The following ADAMTSL1 variants were observed in gnomAD, a reference collection of about 807,000 sequenced individuals.
ADAMTSL1 encodes ADAMTS like 1.
Under a neutral mutation model 201.8 loss-of-function variants are expected in ADAMTSL1, and 126 were observed. The ratio of observed to expected loss-of-function variants is 0.62; its 90% CI spans 0.54 to 0.72. The LOEUF (loss-of-function observed/expected upper bound fraction) is 0.72. ADAMTSL1 is among the 30% of genes least tolerant of loss of function. The probability of loss-of-function intolerance (pLI) is 0.00; values close to 1 mark genes in which losing one functional copy is unlikely to be tolerated. For synonymous variants in ADAMTSL1, 1,121 were observed against 903.4 expected, an observed-to-expected ratio of 1.24 and a Z score of -4.32; for missense variants, 2,679 against 2,277.8, an observed-to-expected ratio of 1.18 and a Z score of -3.59.
intron 1 of ADAMTSL1, among the ~76,000 whole-genome samples, chr9:18,494,283 A>G (rs1293832909): frequency 6.6e-6 from 1 of 151,736 alleles, no homozygotes; most frequent in African/African-American, 2.4e-5. Context: ...TTGAACCCAG[A>G]AGGTGGAGAT....
intron 1 of ADAMTSL1, among the ~76,000 whole-genome samples, chr9:17,948,640 AC>A: frequency 6.6e-6 from 1 of 152,320 alleles, no homozygotes; most frequent in Admixed American, 6.5e-5. Context: ...TATCTTTGTT[AC>A]AGCCCGAGTG....
intron 1 of ADAMTSL1, among the ~76,000 whole-genome samples, chr9:18,065,045 A>T (rs954632946): frequency 8.4e-6 from 1 of 119,096 alleles, no homozygotes; most frequent in Non-Finnish European, 1.6e-5. Context: ...ACGGATTTTT[A>T]TTAAATATGT....
At chr9:18,378,508 A>G (rs1837405854) in intron 2 of ADAMTSL1, among the ~76,000 whole-genome samples, 1 of 152,222 alleles carries the variant, frequency 6.6e-6, no homozygotes, top group African/African-American at 2.4e-5. Context: ...CTTGAGAAGC[A>G]CATCCAAACA....
Position 18,777,405 on chromosome 9 carries a change from G to A in ADAMTSL1, c.3176G>A (p.Gly1059Asp). ...AACACGACCTCGGAGGAGGACCCGG[G>A]TGCAGAGCAAGTGCTCCTGCACCTG... The part of the protein sequence containing the change: ...ERNTTSEEDP[G>D]AEQVLLHLPF... Residue 1059 changes from glycine to aspartate, a missense_variant, in exon 19 of 29, where the codon GGT becomes GAT. By Grantham distance (94) the Gly-to-Asp change is moderately conservative. Transcript: ENST00000380548. 1 of 1,602,496 alleles carries A rather than the reference G, an allele frequency of 6.2e-7. No individual in the cohort carries two copies. Among genetic ancestry groups the A allele is most frequent in the Non-Finnish European group, 8.5e-7 (1 of 1,175,132 alleles).
chr9:18,306,758 G>A (rs1034221501), intron 2 of ADAMTSL1, among the ~76,000 whole-genome samples: 1 of 152,110 alleles, frequency 6.6e-6, no homozygotes, highest in African/African-American at 2.4e-5. Context: ...GAACCAAGTT[G>A]GAAAACACTC....
intron 22 of ADAMTSL1, among the ~76,000 whole-genome samples, chr9:18,829,548 C>T (rs1435465803): frequency 1.3e-5 from 2 of 152,264 alleles, no homozygotes; most frequent in East Asian, 3.9e-4. Context: ...TTTAACTTAT[C>T]TACAAATGTG....
chr9:18,315,126 C>G (rs909220298), intron 2 of ADAMTSL1, among the ~76,000 whole-genome samples: 7 of 152,090 alleles, frequency 4.6e-5, no homozygotes, highest in African/African-American at 1.2e-4. Flanking sequence ...TTACAGAGAG[C>G]TGATTGGTCC....
intron 2 of ADAMTSL1, among the ~76,000 whole-genome samples, chr9:18,316,682 A>T (rs1453067309): frequency 6.6e-6 from 1 of 152,070 alleles, no homozygotes; most frequent in Admixed American, 6.5e-5. Flanking sequence ...TGTACAATTT[A>T]TGCAGTTAAT....
chr9:18,504,711 G>A (rs1823026234), intron 1 of ADAMTSL1, 118 bp from the exon 2 acceptor site: 13 of 1,395,688 alleles, frequency 9.3e-6, no homozygotes, highest in African/African-American at 1.4e-5. Context: ...CTGATTGCGC[G>A]TTTTCATTCC....
chr9:18,889,030 C>G (rs1472236712), intron 24 of ADAMTSL1, among the ~76,000 whole-genome samples: 2 of 152,182 alleles, frequency 1.3e-5, no homozygotes, highest in Admixed American at 1.3e-4. Context: ...GTCCCAGACC[C>G]CCAAAGCAAC....
At chr9:18,137,927 G>C (rs1011842356) in intron 1 of ADAMTSL1, among the ~76,000 whole-genome samples, 7 of 152,146 alleles carry the variant, frequency 4.6e-5, no homozygotes, top group Non-Finnish European at 1.0e-4. Flanking sequence ...TTGCTAGGGA[G>C]AGTTATTCTT....
At chr9:18,313,791 G>C (rs1834245987) in intron 2 of ADAMTSL1, among the ~76,000 whole-genome samples, 2 of 152,118 alleles carry the variant, frequency 1.3e-5, no homozygotes, top group Admixed American at 1.3e-4. Context: ...AACTTGTTTG[G>C]TATGACTGCA....
chr9:18,865,225 G>A (rs1048540293), intron 23 of ADAMTSL1, among the ~76,000 whole-genome samples: 4 of 151,036 alleles, frequency 2.6e-5, no homozygotes, highest in South Asian at 2.1e-4. Flanking sequence ...GGTGTGTGAT[G>A]TTCCCCTTCC....
chr9:18,594,138 A>G (rs971641134), intron 4 of ADAMTSL1, among the ~76,000 whole-genome samples: 1 of 151,756 alleles, frequency 6.6e-6, no homozygotes, highest in Admixed American at 6.6e-5. Flanking sequence ...ACAGGGTACA[A>G]TCTTTTTGTT....
At chr9:18,590,896 T>G (rs1823870266) in intron 4 of ADAMTSL1, among the ~76,000 whole-genome samples, 1 of 152,160 alleles carries the variant, frequency 6.6e-6, no homozygotes, top group Non-Finnish European at 1.5e-5. Flanking sequence ...AAAAGATACT[T>G]GATATAATTT....
intron 2 of ADAMTSL1, among the ~76,000 whole-genome samples, chr9:18,180,999 G>T (rs1293554976): frequency 6.6e-6 from 1 of 152,096 alleles, no homozygotes; most frequent in Non-Finnish European, 1.5e-5. Context: ...ACAACTATCT[G>T]ATCTTTGACA....
intron 1 of ADAMTSL1, among the ~76,000 whole-genome samples, chr9:18,479,950 C>A (rs1268719648): frequency 1.3e-5 from 2 of 152,138 alleles, no homozygotes; most frequent in Non-Finnish European, 2.9e-5. Context: ...TTCTGTATTC[C>A]TTTCTCTGTC....
At chr9:18,759,240 A>G (rs1002622488) in intron 16 of ADAMTSL1, among the ~76,000 whole-genome samples, 9 of 152,304 alleles carry the variant, frequency 5.9e-5, no homozygotes, top group Admixed American at 1.3e-4. Flanking sequence ...CAGGGTCACA[A>G]TTGAAAATGC....
intron 21 of ADAMTSL1, among the ~76,000 whole-genome samples, chr9:18,825,459 A>G (rs1824487029): frequency 6.6e-6 from 1 of 152,194 alleles, no homozygotes; most frequent in South Asian, 2.1e-4. Context: ...CTCTGAGAAG[A>G]TATGCAGGCT....
Sources: allele counts gnomAD v4.1 joint callset (sites outside exome capture counted in the v4.1 genomes callset), GRCh38; gene constraint gnomAD v4.1.1; transcripts MANE v1.5; gene names NCBI Gene and HGNC (gene_info 2026-07-23, HGNC 2026-07-21).